Variants in NCKAP1 observed in about 807,000 individuals in gnomAD.
NCKAP1 encodes nck-associated protein 1.
In NCKAP1, 21 loss-of-function variants were observed where a neutral mutation model predicts 151.2. That is an observed-to-expected ratio of 0.14 (90% CI 0.10 to 0.20). NCKAP1 has a LOEUF of 0.20. Among genes scored for constraint, NCKAP1 ranks in the 10% least tolerant of loss-of-function variants. NCKAP1 has a pLI of 1.00. For missense variants in NCKAP1, 933 were observed against 1,352.1 expected, an observed-to-expected ratio of 0.69 and a Z score of 4.86; for synonymous variants, 484 against 451.8, an observed-to-expected ratio of 1.07 and a Z score of -0.90.
intron 24 of NCKAP1, among the ~76,000 whole-genome samples, chr2:182,940,564 T>C (rs1245765478): frequency 2.0e-5 from 3 of 152,150 alleles, no homozygotes; most frequent in African/African-American, 7.2e-5. Context: ...CTCAGCCTCC[T>C]GAGTAGCTGG....
chr2:182,972,406 T>C (rs192116128), intron 15 of NCKAP1, among the ~76,000 whole-genome samples: 48 of 152,104 alleles, frequency 3.2e-4, no homozygotes, highest in Non-Finnish European at 5.9e-4. Context: ...ATGGCTATTA[T>C]CAAAAAACAG....
intron 6 of NCKAP1, among the ~76,000 whole-genome samples, chr2:182,999,054 A>G (rs1294179275): frequency 6.6e-6 from 1 of 152,154 alleles, no homozygotes; most frequent in Non-Finnish European, 1.5e-5. Flanking sequence ...GGAGGAATCA[A>G]TATCATTAAA....
chr2:182,917,762 T>C lies in NCKAP1; in HGVS notation c.*7940A>G, dbSNP rs183716985. On this transcript the variant is annotated 3_prime_UTR_variant, in exon 31 of 31. Transcript: ENST00000361354. ...GAGTAAGTACTGTGTGAGCTTGAGA[T>C]TTAAAACTAAAACAAATATTTTTAA... 1.3e-5 allele frequency: 2 copies of C among 152,306 alleles called. No homozygotes were observed. The highest frequency in any genetic ancestry group is 1.3e-4 in the Admixed American group (2 of 15,292). The allele number at this position is 152,306 out of a possible 1,614,324, so 9.4% of individuals were successfully genotyped here. A position where few individuals can be genotyped will look rare whatever the true frequency, so the allele number is the denominator to read the frequency against.
At chr2:182,986,989 C>G (rs899742225) in intron 9 of NCKAP1, among the ~76,000 whole-genome samples, 1 of 152,140 alleles carries the variant, frequency 6.6e-6, no homozygotes, top group Admixed American at 6.6e-5. Context: ...CACCTGTAAT[C>G]CCAGCACTTT....
At chr2:183,029,849 AG>A (rs1373950991) in intron 1 of NCKAP1, among the ~76,000 whole-genome samples, 1 of 150,726 alleles carries the variant, frequency 6.6e-6, no homozygotes, top group Non-Finnish European at 1.5e-5. Flanking sequence ...AAGAGAGAGA[AG>A]GAAAAAAAAC....
intron 23 of NCKAP1, among the ~76,000 whole-genome samples, chr2:182,945,576 T>C (rs923506476): frequency 6.6e-6 from 1 of 152,202 alleles, no homozygotes; most frequent in Non-Finnish European, 1.5e-5. Context: ...TTCAGAGGGA[T>C]ATTTGGTAAT....
At chr2:183,035,199 C>T (rs1699079032) in intron 1 of NCKAP1, among the ~76,000 whole-genome samples, 2 of 151,906 alleles carry the variant, frequency 1.3e-5, no homozygotes, top group Non-Finnish European at 1.5e-5. Context: ...TTATGTGTTC[C>T]TACATCCTCC....
At chr2:182,992,892 G>A (rs139818959) in intron 8 of NCKAP1, among the ~76,000 whole-genome samples, 40 of 152,146 alleles carry the variant, frequency 2.6e-4, no homozygotes, top group Admixed American at 2.2e-3. Flanking sequence ...TAAAAACTAT[G>A]AGCTTGTATT....
intron 23 of NCKAP1, among the ~76,000 whole-genome samples, chr2:182,945,245 A>C (rs919646558): frequency 4.8e-3 from 81 of 16,708 alleles, no homozygotes; most frequent in African/African-American, 8.0e-3. Context: ...AAAAATAAAA[A>C]ACAAAAAAAA....
intron 23 of NCKAP1, among the ~76,000 whole-genome samples, chr2:182,951,078 C>A (rs1293844842): frequency 2.0e-5 from 3 of 151,878 alleles, no homozygotes; most frequent in South Asian, 2.1e-4. Context: ...GGCAATCCCC[C>A]ACCTCGGCCT....
chr2:182,938,362 T>C (rs1307433361), intron 24 of NCKAP1, among the ~76,000 whole-genome samples: 1 of 151,810 alleles, frequency 6.6e-6, no homozygotes, highest in African/African-American at 2.4e-5. Flanking sequence ...AGAGTAGAGA[T>C]AAAAGTATTG....
chr2:183,018,672 T>TA (rs1314576235), intron 2 of NCKAP1, among the ~76,000 whole-genome samples: 1 of 152,210 alleles, frequency 6.6e-6, no homozygotes, highest in Non-Finnish European at 1.5e-5. Flanking sequence ...TTTTTTTAGC[T>TA]AACATTAACT....
rs754725987 is a variant in NCKAP1, at chr2:182,990,940, C to T, written c.791-1754G>A. 3.3e-5 allele frequency among the ~76,000 whole-genome samples: 5 copies of T among 152,046 alleles called. No individual in the cohort carries two copies. The East Asian group carries it at 7.7e-4, about 24-fold the overall frequency. On this transcript the variant is annotated intron_variant, in intron 8 of 30. Transcript: ENST00000361354. ...CATACAACAGGGCCCCTAAAACAAG[C>T]CAATTATTCAATCTGGCACACAATC...
intron 26 of NCKAP1, 25 bp from the exon 27 acceptor site, chr2:182,930,813 A>G (rs990643909): frequency 1.1e-5 from 18 of 1,565,990 alleles, no homozygotes; most frequent in Middle Eastern, 1.7e-4. Context: ...AGAATTACAG[A>G]GCAATAAATA....
intron 15 of NCKAP1, among the ~76,000 whole-genome samples, chr2:182,974,570 A>C (rs1329195618): frequency 6.6e-6 from 1 of 152,152 alleles, no homozygotes; most frequent in Non-Finnish European, 1.5e-5. Context: ...ACACAGGGAG[A>C]ATGCCTTTAG....
intron 8 of NCKAP1, among the ~76,000 whole-genome samples, chr2:182,991,609 T>C (rs918788251): frequency 7.3e-5 from 11 of 151,634 alleles, no homozygotes; most frequent in African/African-American, 2.7e-4. Context: ...GGGGATGACT[T>C]ATTAATTAAA....
At chr2:183,006,985 C>T (rs962855474) in intron 2 of NCKAP1, among the ~76,000 whole-genome samples, 14 of 152,230 alleles carry the variant, frequency 9.2e-5, no homozygotes, top group African/African-American at 3.4e-4. Flanking sequence ...AATTCTTCTG[C>T]CTCACCCTCC....
chr2:182,931,680 T>C (rs12612383), intron 26 of NCKAP1, among the ~76,000 whole-genome samples: 7 of 152,084 alleles, frequency 4.6e-5, no homozygotes, highest in South Asian at 4.1e-4. Flanking sequence ...ATGGACTTCA[T>C]TGAAACTAAA....
chr2:182,925,611 T>G lies in NCKAP1; in HGVS notation c.*91A>C. ...GAAAGAAATTTATAATCCACAAAAC[T>G]TTTTCAGGTCTTAAGGTAAAATAGT... On this transcript the variant is annotated 3_prime_UTR_variant, in exon 31 of 31. Coordinates refer to ENST00000361354, the MANE Select transcript of NCKAP1 (RefSeq NM_013436.5). 1.6e-6 allele frequency: 1 copy of G among 614,166 alleles called. No homozygotes were observed. Among genetic ancestry groups the G allele is most frequent in the Non-Finnish European group, 2.7e-6 (1 of 369,662 alleles). The allele number at this position is 614,166 out of a possible 1,614,324, so 38.0% of individuals were successfully genotyped here.
Sources: allele counts gnomAD v4.1 joint callset (sites outside exome capture counted in the v4.1 genomes callset), GRCh38; gene constraint gnomAD v4.1.1; transcripts MANE v1.5; gene names NCBI Gene and HGNC (gene_info 2026-07-23, HGNC 2026-07-21).